Variants in RSRP1 observed in about 807,000 individuals in gnomAD.
RSRP1 encodes the protein arginine/serine-rich protein 1.
Under a neutral mutation model 33.0 loss-of-function variants are expected in RSRP1, and 37 were observed. That is an observed-to-expected ratio of 1.12 (90% confidence interval 0.86 to 1.48). The LOEUF is 1.48. Among genes scored for constraint, RSRP1 ranks in the 40% most tolerant of loss-of-function variants. The probability of loss-of-function intolerance (pLI) is 0.00; values close to 1 mark genes in which losing one functional copy is unlikely to be tolerated. For synonymous variants in RSRP1, 167 were observed against 158.7 expected, an observed-to-expected ratio of 1.05 and a Z score of -0.40; for missense variants, 402 against 385.3, an observed-to-expected ratio of 1.04 and a Z score of -0.36.
At chr1:25,293,225 C>G (rs1167019398) in intron 1 of RSRP1, among the ~76,000 whole-genome samples, 1 of 129,442 alleles carries the variant, frequency 7.7e-6, no homozygotes, top group African/African-American at 2.7e-5. Context: ...GGCAATAATC[C>G]GATAGAGAGG....
intron 1 of RSRP1, among the ~76,000 whole-genome samples, chr1:25,264,358 G>T (rs1168199585): frequency 2.6e-5 from 4 of 151,818 alleles, no homozygotes; most frequent in Non-Finnish European, 5.9e-5. Context: ...TAATCTAGGC[G>T]AAGGTTTCCA....
At chr1:25,309,042 G>A (rs1400563915) in intron 1 of RSRP1, among the ~76,000 whole-genome samples, 1 of 132,314 alleles carries the variant, frequency 7.6e-6, no homozygotes, top group Non-Finnish European at 1.8e-5. Context: ...AAGATGGAGA[G>A]AGGATTAAGC....
intron 1 of RSRP1, among the ~76,000 whole-genome samples, chr1:25,263,902 T>C (rs1318274436): frequency 6.6e-6 from 1 of 151,914 alleles, no homozygotes; most frequent in Non-Finnish European, 1.5e-5. Flanking sequence ...ATGGGATAAA[T>C]TGGTCAAAAC....
intron 1 of RSRP1, among the ~76,000 whole-genome samples, chr1:25,276,532 T>TAAAAAAAA (rs557746335): frequency 1.7e-4 from 11 of 64,786 alleles, no homozygotes; most frequent in African/African-American, 7.2e-4. Context: ...CCCCCATCTC[T>TAAAAAAAA]AAAAAAAAAA....
At chr1:25,249,170 C>T (rs1025107779), upstream of RSRP1, among the ~76,000 whole-genome samples, 6 of 152,166 alleles carry the variant, frequency 3.9e-5, no homozygotes, top group Non-Finnish European at 8.8e-5. Context: ...ATAATAATAA[C>T]AACACGAGTT....
At chr1:25,243,192 A>G (rs1442827063) in intron 4 of RSRP1, among the ~76,000 whole-genome samples, 1 of 152,296 alleles carries the variant, frequency 6.6e-6, no homozygotes, top group East Asian at 1.9e-4. Flanking sequence ...CAGCAGGGAG[A>G]CACTGGACAT....
At chr1:25,264,122 G>A (rs1435182122) in intron 1 of RSRP1, among the ~76,000 whole-genome samples, 2 of 151,916 alleles carry the variant, frequency 1.3e-5, no homozygotes, top group African/African-American at 4.9e-5. Context: ...TTGAGTGTCT[G>A]CAGCTTTTCC....
In RSRP1 at chr1:25,282,761, G is replaced by A. The variant is rs570732680; in HGVS notation, c.-66-35732C>T. 6.9e-5 allele frequency among the ~76,000 whole-genome samples: 9 copies of A among 130,220 alleles called. No homozygotes were observed. In the South Asian group the frequency reaches 7.0e-4, roughly 10 times the overall value. The allele number at this position is 130,220 out of a possible 152,430, so 85.4% of individuals were successfully genotyped here. Reference sequence around the variant, plus strand: ...CCAAAAATTAGCCAGGCGTGGTGGCGCGCGCCTGTGGTTCCCACTGAAGCA... The same window carrying A: ...CCAAAAATTAGCCAGGCGTGGTGGCACGCGCCTGTGGTTCCCACTGAAGCA... On this transcript the variant is annotated intron_variant, in intron 1 of 1. Coordinates refer to the RSRP1 transcript ENST00000561867.
At position 25,290,495 on chromosome 1, in the gene RSRP1, G is replaced by A; in HGVS notation, c.-66-43466C>T. The stretch of plus-strand genomic sequence containing the variant: ...CACTCTGCAGCATCAGCGCCCAGGT[G>A]GGTAGAAATCTTGTCTTCTATTCCC... On this transcript the variant is annotated intron_variant, in intron 1 of 1. Transcript: ENST00000561867. The A allele has an allele frequency of 2.7e-6, 2 of 751,954 alleles. 1 individual carries two copies. Among genetic ancestry groups the A allele is most frequent in the Non-Finnish European group, 4.5e-6 (2 of 448,568 alleles). The allele number at this position is 751,954 out of a possible 1,614,324, so 46.6% of individuals were successfully genotyped here. A position where few individuals can be genotyped will look rare whatever the true frequency, so the allele number is the denominator to read the frequency against.
intron 1 of RSRP1, among the ~76,000 whole-genome samples, chr1:25,285,118 C>G (rs181688025): frequency 0.012 from 1,563 of 132,960 alleles, 147 homozygotes; most frequent in African/African-American, 0.039. Flanking sequence ...ACATGCCACA[C>G]CTAGAGAGAC....
chr1:25,272,776 C>T, intron 1 of RSRP1: 1 of 1,335,672 alleles, frequency 7.5e-7, no homozygotes, highest in Non-Finnish European at 1.1e-6. Context: ...TCCAGGGGCA[C>T]AGATGTTCCT....
In RSRP1 at chr1:25,312,946, A is replaced by AAAAAAAAAAC; in HGVS notation, c.-67+25022_-67+25031dup. 3.7e-5 allele frequency among the ~76,000 whole-genome samples: 4 copies of AAAAAAAAAAC among 109,510 alleles called. 1 individual carries two copies. The highest frequency in any genetic ancestry group is 5.9e-5 in the African/African-American group (2 of 33,872). 71.8% of individuals were successfully genotyped at this position (109,510 alleles called of 152,430 possible). ...AAAAAAAAAAAAAAAAAAAAAAAAA[A>AAAAAAAAAAC]AAAAAAAAACTTTAGTGCTATTGGA... On this transcript the variant is annotated intron_variant, in intron 1 of 1. Transcript: ENST00000561867.
At chr1:25,243,072 C>T (rs1181234239) in intron 4 of RSRP1, among the ~76,000 whole-genome samples, 1 of 151,622 alleles carries the variant, frequency 6.6e-6, no homozygotes, top group Non-Finnish European at 1.5e-5. Context: ...CCAGCCTGGG[C>T]AACAGAGCAA....
intron 1 of RSRP1, among the ~76,000 whole-genome samples, chr1:25,255,990 CA>C (rs1411095176): frequency 4.6e-5 from 7 of 152,116 alleles, no homozygotes; most frequent in Admixed American, 2.0e-4. Context: ...GGTTGGAGAC[CA>C]CCTTCCATTG....
upstream of RSRP1, among the ~76,000 whole-genome samples, chr1:25,252,067 CTGT>C (rs1370336045): frequency 1.3e-5 from 2 of 149,930 alleles, no homozygotes; most frequent in Admixed American, 6.6e-5. Flanking sequence ...ATTTTTGTTG[CTGT>C]TGTTGTTTTG....
chr1:25,242,920 T>C lies in RSRP1; in HGVS notation c.757-215A>G, dbSNP rs370246678. 2.3e-4 allele frequency among the ~76,000 whole-genome samples: 35 copies of C among 152,246 alleles called. No individual in the cohort carries two copies. The East Asian group carries it at 2.7e-3, about 12-fold the overall frequency. On this transcript the variant is annotated intron_variant, in intron 4 of 4. Coordinates refer to ENST00000243189, the MANE Select transcript of RSRP1 (RefSeq NM_020317.5). The stretch of plus-strand genomic sequence containing the variant: ...CATCCTGGCCAACATGGTGAAACCC[T>C]GTCTCCTAAAAATACAAAAATTAGC...
chr1:25,258,517 A>C (rs1480128896), intron 1 of RSRP1, among the ~76,000 whole-genome samples: 1 of 152,126 alleles, frequency 6.6e-6, no homozygotes, highest in South Asian at 2.1e-4. Flanking sequence ...ACTTTTTGGA[A>C]GACCCTGTCA....
At chr1:25,261,306 G>A (rs1050830241) in intron 1 of RSRP1, among the ~76,000 whole-genome samples, 3 of 152,088 alleles carry the variant, frequency 2.0e-5, no homozygotes, top group Admixed American at 6.5e-5. Context: ...AGATAATTTC[G>A]TGATTACTGT....
rs535885158 is a variant in RSRP1, at chr1:25,319,406, A to G, written c.-67+18572T>C. On this transcript the variant is annotated intron_variant, in intron 1 of 1. Coordinates refer to the RSRP1 transcript ENST00000561867. Reference sequence around the variant, plus strand: ...TGAGGTGGGAGAATAGCTTGAGGCCAGGAGTTCAAGCCAGGGCAACATAGT... The same window carrying G: ...TGAGGTGGGAGAATAGCTTGAGGCCGGGAGTTCAAGCCAGGGCAACATAGT... Among the ~76,000 whole-genome samples, 83 of 132,158 alleles carry G rather than the reference A, an allele frequency of 6.3e-4. 14 individuals carry two copies. The highest frequency in any genetic ancestry group is 8.1e-3 in the Middle Eastern group (2 of 248). The allele number at this position is 132,158 out of a possible 152,430, so 86.7% of individuals were successfully genotyped here.
Sources: allele counts gnomAD v4.1 joint callset (sites outside exome capture counted in the v4.1 genomes callset), GRCh38; gene constraint gnomAD v4.1.1; transcripts MANE v1.5; gene names NCBI Gene and HGNC (gene_info 2026-07-23, HGNC 2026-07-21).